Variants in SLC16A2 observed in about 807,000 individuals in gnomAD.
SLC16A2 encodes the protein solute carrier family 16 member 2.
A neutral mutation model predicts 27.2 loss-of-function variants in SLC16A2; 3 were observed. The observed-to-expected ratio is 0.11, with a 90% CI of 0.05 to 0.28. The LOEUF is 0.28. SLC16A2 is among the 10% of genes least tolerant of loss of function. SLC16A2 has a pLI of 1.00. For missense variants in SLC16A2, 295 were observed against 458.5 expected (o/e 0.64, Z 3.26); for synonymous variants, 202 against 187.8 (o/e 1.08, Z -0.62).
intron 1 of SLC16A2, among the ~76,000 whole-genome samples, chrX:74,447,371 A>G (rs1050267571): frequency 1.8e-5 from 2 of 111,666 alleles, no homozygotes; most frequent in African/African-American, 6.5e-5. Flanking sequence ...AGGGAGTTGC[A>G]TGATAAAAAG....
intron 1 of SLC16A2, among the ~76,000 whole-genome samples, chrX:74,504,045 ACTACTT>A (rs763436987): frequency 1.1e-4 from 12 of 112,707 alleles, no homozygotes; most frequent in Admixed American, 3.7e-4. Context: ...TAGTAGTACT[ACTACTT>A]CTACTTCTAC....
At chrX:74,501,734 G>C (rs779686650) in intron 1 of SLC16A2, among the ~76,000 whole-genome samples, 238 of 111,499 alleles carry the variant, frequency 2.1e-3, no homozygotes, top group African/African-American at 7.5e-3. Context: ...TCTCTTCAAA[G>C]TGTTCCCCAA....
chrX:74,481,033 G>T (rs1460503155), intron 1 of SLC16A2, among the ~76,000 whole-genome samples: 1 of 112,334 alleles, frequency 8.9e-6, no homozygotes, highest in Non-Finnish European at 1.9e-5. Context: ...GTATTACATT[G>T]GTTGATTATC....
intron 1 of SLC16A2, among the ~76,000 whole-genome samples, chrX:74,482,039 T>C (rs1240778168): frequency 3.6e-5 from 4 of 110,825 alleles, no homozygotes; most frequent in African/African-American, 1.3e-4. Flanking sequence ...TCTGTATCTC[T>C]GAATTTTCCT....
chrX:74,454,855 G>T (rs1157226138), intron 1 of SLC16A2, among the ~76,000 whole-genome samples: 1 of 111,666 alleles, frequency 9.0e-6, no homozygotes, highest in African/African-American at 3.3e-5. Context: ...AGTAGCTCTA[G>T]ATCATATTGA....
At chrX:74,464,359 G>T (rs758194047) in intron 1 of SLC16A2, among the ~76,000 whole-genome samples, 2 of 112,035 alleles carry the variant, frequency 1.8e-5, no homozygotes, top group Non-Finnish European at 3.8e-5. Context: ...TTGTACTCAA[G>T]CTATTTTTTG....
At chrX:74,451,846 A>G (rs764221441) in intron 1 of SLC16A2, among the ~76,000 whole-genome samples, 7 of 113,186 alleles carry the variant, frequency 6.2e-5, no homozygotes, top group Admixed American at 4.6e-4. Flanking sequence ...TGCTTTTGGC[A>G]TACTTGAACC....
chrX:74,492,085 G>A (rs1317583719), intron 1 of SLC16A2, among the ~76,000 whole-genome samples: 1 of 111,954 alleles, frequency 8.9e-6, no homozygotes, highest in African/African-American at 3.3e-5. Flanking sequence ...CTATCCTAGC[G>A]ACTTGCCATT....
intron 1 of SLC16A2, among the ~76,000 whole-genome samples, chrX:74,467,845 C>G (rs1929280836): frequency 9.0e-6 from 1 of 111,197 alleles, no homozygotes; most frequent in Admixed American, 9.6e-5. Context: ...TAGATCCAAA[C>G]TCCTGGCCAT....
chrX:74,489,707 A>T (rs1929787579), intron 1 of SLC16A2, among the ~76,000 whole-genome samples: 1 of 111,150 alleles, frequency 9.0e-6, no homozygotes, highest in Admixed American at 9.7e-5. Context: ...ATAGAAGTAC[A>T]TCTTATAGAT....
intron 4 of SLC16A2, among the ~76,000 whole-genome samples, chrX:74,527,040 G>A (rs919969295): frequency 8.9e-6 from 1 of 111,917 alleles, no homozygotes; most frequent in Non-Finnish European, 1.9e-5. Context: ...CTGCCTAGTC[G>A]TATAACTCAT....
At chrX:74,446,149 C>T (rs1928833538) in intron 1 of SLC16A2, among the ~76,000 whole-genome samples, 1 of 110,786 alleles carries the variant, frequency 9.0e-6, no homozygotes, top group South Asian at 3.8e-4. Context: ...CCCCTGGGAC[C>T]AATCAGATTT....
chrX:74,435,390 A>G (rs1369756229), intron 1 of SLC16A2, among the ~76,000 whole-genome samples: 1 of 107,531 alleles, frequency 9.3e-6, no homozygotes, highest in African/African-American at 3.4e-5. Flanking sequence ...GCCCTGAGGT[A>G]ATACATTTAA....
At chrX:74,450,958 A>T (rs1471814358) in intron 1 of SLC16A2, among the ~76,000 whole-genome samples, 11 of 112,145 alleles carry the variant, frequency 9.8e-5, no homozygotes, top group Non-Finnish European at 1.9e-4. Context: ...GCCTGGGATT[A>T]AAGGGAACTA....
intron 1 of SLC16A2, among the ~76,000 whole-genome samples, chrX:74,467,554 G>A (rs2147851070): frequency 9.0e-6 from 1 of 111,600 alleles, no homozygotes; most frequent in African/African-American, 3.3e-5. Context: ...CTTGAAGGCT[G>A]TGCACATTTA....
chrX:74,471,449 G>A (rs1334065071), intron 1 of SLC16A2, among the ~76,000 whole-genome samples: 2 of 111,690 alleles, frequency 1.8e-5, no homozygotes, highest in African/African-American at 6.5e-5. Flanking sequence ...TTACATGCCA[G>A]ACTGGAAAAC....
chrX:74,467,196 G>A (rs2147850928), intron 1 of SLC16A2, among the ~76,000 whole-genome samples: 1 of 111,906 alleles, frequency 8.9e-6, no homozygotes, highest in African/African-American at 3.2e-5. Flanking sequence ...GCTGGAAAGT[G>A]GTAAGGGGCC....
chrX:74,522,721 T>C (rs569879843), intron 2 of SLC16A2, among the ~76,000 whole-genome samples: 2 of 112,407 alleles, frequency 1.8e-5, no homozygotes, highest in South Asian at 7.4e-4. Context: ...GGCACGCTAC[T>C]GTAGGCACAT....
At chrX:74,527,921 G>A (rs1487970033) in intron 4 of SLC16A2, among the ~76,000 whole-genome samples, 1 of 111,837 alleles carries the variant, frequency 8.9e-6, no homozygotes, top group Non-Finnish European at 1.9e-5. Context: ...CTCAGGTACC[G>A]GGGTTCTTAT....
Sources: gnomAD v4.1 joint callset for allele counts (sites outside exome capture counted in the v4.1 genomes callset) on GRCh38, gnomAD v4.1.1 for gene constraint, MANE v1.5 for transcripts, NCBI Gene and HGNC (gene_info 2026-07-23, HGNC 2026-07-21) for gene names.